CCDC171: variants seen among roughly 807,000 people sequenced by gnomAD.
CCDC171 encodes the protein coiled-coil domain containing 171.
In CCDC171, 177 loss-of-function variants were observed where a neutral mutation model predicts 168.2. That is an observed-to-expected ratio of 1.05 (90% confidence interval 0.93 to 1.19). The LOEUF is 1.19. CCDC171 is among the 50% of genes most tolerant of loss of function. The pLI is 0.00. For missense variants in CCDC171, 1,991 were observed against 1,539.0 expected (o/e 1.29, Z -4.91); for synonymous variants, 687 against 540.8 (o/e 1.27, Z -3.75).
chr9:16,095,348 G>T, the CCDC171 span, among the ~76,000 whole-genome samples: 1 of 152,186 alleles, frequency 6.6e-6, no homozygotes, highest in Non-Finnish European at 1.5e-5. Context: ...AACTGCTCTG[G>T]GGAAGAATGC....
chr9:16,061,425 G>A (rs1185057483), downstream of CCDC171: 1 of 152,126 alleles, frequency 6.6e-6, no homozygotes, highest in Admixed American at 6.5e-5. Context: ...ATCCCATTCA[G>A]TTCTAATAGT....
At chr9:15,564,699 A>G (rs1373337274) in intron 2 of CCDC171, among the ~76,000 whole-genome samples, 14 of 152,216 alleles carry the variant, frequency 9.2e-5, no homozygotes, top group South Asian at 2.1e-4. Flanking sequence ...GGTGGAGTCT[A>G]TAATACAAAA....
intron 14 of CCDC171, among the ~76,000 whole-genome samples, chr9:15,726,335 T>A (rs1056842566): frequency 1.3e-5 from 2 of 152,192 alleles, no homozygotes; most frequent in African/African-American, 4.8e-5. Flanking sequence ...TTATCATGCT[T>A]GGTTTATCAC....
chr9:15,883,851 C>T (rs1042390396), intron 24 of CCDC171, among the ~76,000 whole-genome samples: 3 of 152,004 alleles, frequency 2.0e-5, no homozygotes, highest in Non-Finnish European at 4.4e-5. Context: ...GTTTATTATT[C>T]CTTTTCTTAA....
rs1293873941 is a variant in CCDC171, at chr9:15,751,225, A to G, written c.2671+5594A>G. Reference sequence around the variant, plus strand: ...TACCTAGGAATCCAACTTACAAGGGATGTGAAGGACCTCTTCAAGGAGAAC... The same window carrying G: ...TACCTAGGAATCCAACTTACAAGGGGTGTGAAGGACCTCTTCAAGGAGAAC... On this transcript the variant is annotated intron_variant, in intron 18 of 25. Coordinates refer to ENST00000380701, the MANE Select transcript of CCDC171 (RefSeq NM_173550.4). Among the ~76,000 whole-genome samples, 3 of 152,284 alleles carry G rather than the reference A, an allele frequency of 2.0e-5. No individual in the cohort carries two copies. The East Asian group carries it at 5.8e-4, about 29-fold the overall frequency.
intron 18 of CCDC171, among the ~76,000 whole-genome samples, chr9:15,767,519 T>C (rs1485547744): frequency 1.3e-5 from 2 of 152,032 alleles, no homozygotes; most frequent in African/African-American, 4.8e-5. Context: ...CACCCTTAAT[T>C]CTCTCTCGTT....
At chr9:15,622,966 A>G (rs555428073) in intron 6 of CCDC171, among the ~76,000 whole-genome samples, 1 of 152,240 alleles carries the variant, frequency 6.6e-6, no homozygotes, top group Admixed American at 6.5e-5. Context: ...TAGTTGAACT[A>G]CTGCATTATA....
At chr9:16,013,973 G>T (rs1426013909) in intron 3 of CCDC171, among the ~76,000 whole-genome samples, 1 of 152,174 alleles carries the variant, frequency 6.6e-6, no homozygotes, top group Non-Finnish European at 1.5e-5. Flanking sequence ...TGAAGGCTGG[G>T]GTGGCTGTGA....
chr9:15,913,512 T>C (rs1214394768), intron 24 of CCDC171, among the ~76,000 whole-genome samples: 1 of 152,214 alleles, frequency 6.6e-6, no homozygotes, highest in Non-Finnish European at 1.5e-5. Context: ...GAAGAGTTTT[T>C]TGTGTCTCTA....
intron 25 of CCDC171, among the ~76,000 whole-genome samples, chr9:15,956,294 G>T (rs906947472): frequency 1.3e-5 from 2 of 152,146 alleles, no homozygotes; most frequent in Admixed American, 1.3e-4. Flanking sequence ...GCTGGGATTA[G>T]TTCATGATGA....
At chr9:15,938,917 C>T (rs1446683579) in intron 25 of CCDC171, among the ~76,000 whole-genome samples, 1 of 151,648 alleles carries the variant, frequency 6.6e-6, no homozygotes, top group Non-Finnish European at 1.5e-5. Context: ...ATAGTATACA[C>T]AATAGATTTT....
chr9:15,613,668 A>G (rs557286818), intron 6 of CCDC171, among the ~76,000 whole-genome samples: 3 of 151,806 alleles, frequency 2.0e-5, no homozygotes, highest in African/African-American at 7.3e-5. Context: ...GATTACAGGC[A>G]TGCGCCACCA....
chr9:15,590,014 TAGAC>T (rs2041866405), intron 4 of CCDC171, among the ~76,000 whole-genome samples: 1 of 152,188 alleles, frequency 6.6e-6, no homozygotes, highest in African/African-American at 2.4e-5. Context: ...TGGAAAGAAG[TAGAC>T]CTACTGCAGG....
At chr9:15,994,767 G>A (rs1334881976) in intron 3 of CCDC171, among the ~76,000 whole-genome samples, 1 of 152,134 alleles carries the variant, frequency 6.6e-6, no homozygotes, top group East Asian at 1.9e-4. Context: ...CCTTGATTCT[G>A]AACTATTTTG....
At chr9:16,077,254 C>T in the CCDC171 span, among the ~76,000 whole-genome samples, 1 of 152,028 alleles carries the variant, frequency 6.6e-6, no homozygotes, top group African/African-American at 2.4e-5. Context: ...AAGTCCAAAC[C>T]CTGTGGTTTG....
At chr9:16,108,552 C>T in the CCDC171 span, among the ~76,000 whole-genome samples, 1 of 152,162 alleles carries the variant, frequency 6.6e-6, no homozygotes, top group African/African-American at 2.4e-5. Context: ...TTCATGGATT[C>T]TGAAGTGAGC....
chr9:15,801,600 C>T (rs565868639), intron 21 of CCDC171, among the ~76,000 whole-genome samples: 1 of 151,966 alleles, frequency 6.6e-6, no homozygotes, highest in South Asian at 2.1e-4. Context: ...ATTTGGAGGC[C>T]CTTTATTTCT....
At chr9:16,002,760 ATGGTAAG>A (rs1832590764) in intron 3 of CCDC171, among the ~76,000 whole-genome samples, 1 of 152,200 alleles carries the variant, frequency 6.6e-6, no homozygotes, top group Non-Finnish European at 1.5e-5. Context: ...AGCTCCATTC[ATGGTAAG>A]TGCCCTCTGT....
intron 23 of CCDC171, among the ~76,000 whole-genome samples, chr9:15,849,570 C>G (rs1434587023): frequency 6.6e-6 from 1 of 151,354 alleles, no homozygotes; most frequent in African/African-American, 2.4e-5. Context: ...TATTTATTGA[C>G]CATGTATTTT....
Sources: gnomAD v4.1 joint callset for allele counts (sites outside exome capture counted in the v4.1 genomes callset) on GRCh38, gnomAD v4.1.1 for gene constraint, MANE v1.5 for transcripts, NCBI Gene and HGNC (gene_info 2026-07-23, HGNC 2026-07-21) for gene names.